The following MEIS2 variants were observed in gnomAD, a reference collection of about 807,000 sequenced individuals.
MEIS2 encodes the protein Meis homeobox 2, also known as homeobox protein Meis2.
Under a neutral mutation model 58.6 loss-of-function variants are expected in MEIS2, and 9 were observed. The ratio of observed to expected loss-of-function variants is 0.15; its 90% confidence interval spans 0.09 to 0.27. The LOEUF is 0.27. MEIS2 is among the 10% of genes least tolerant of loss of function. The pLI is 1.00. For missense variants in MEIS2, 427 were observed against 635.0 expected, an observed-to-expected ratio of 0.67 and a Z score of 3.52; for synonymous variants, 221 against 228.4, an observed-to-expected ratio of 0.97 and a Z score of 0.29.
chr15:37,028,493 C>G (rs897017326), intron 8 of MEIS2, among the ~76,000 whole-genome samples: 1 of 152,172 alleles, frequency 6.6e-6, no homozygotes, highest in African/African-American at 2.4e-5. Flanking sequence ...TTGCAATTTT[C>G]TCTCTTCTAG....
At chr15:36,973,154 A>G (rs1435580958) in intron 8 of MEIS2, among the ~76,000 whole-genome samples, 5 of 152,188 alleles carry the variant, frequency 3.3e-5, no homozygotes, top group Non-Finnish European at 5.9e-5. Context: ...CTTTACAGGT[A>G]TTTGGGAGGA....
intron 11 of MEIS2, chr15:36,894,553 C>A (rs2056067042): frequency 1.9e-6 from 1 of 535,812 alleles, no homozygotes; most frequent in Non-Finnish European, 3.3e-6. Context: ...ACATCAGTGT[C>A]ATCTGTGACT....
At chr15:36,910,999 C>T (rs372947560) in intron 9 of MEIS2, among the ~76,000 whole-genome samples, 14 of 147,672 alleles carry the variant, frequency 9.5e-5, no homozygotes, top group African/African-American at 3.0e-4. Flanking sequence ...GAGCTGAGAT[C>T]GCGCCACTGC....
intron 8 of MEIS2, among the ~76,000 whole-genome samples, chr15:36,984,890 C>A (rs1396212266): frequency 5.3e-5 from 8 of 152,072 alleles, no homozygotes; most frequent in African/African-American, 1.9e-4. Context: ...TTGCTCATAG[C>A]AGTCTCTTAT....
rs147340995 is a variant in MEIS2, at chr15:37,069,448, C to T, written c.754+14323G>A. 1.7e-3 allele frequency among the ~76,000 whole-genome samples: 265 copies of T among 152,290 alleles called. 1 individual carries two copies. The highest frequency in any genetic ancestry group is 5.9e-3 in the African/African-American group (247 of 41,572). ...CAAGACAAAATCAACTTTTTCTCAT[C>T]ATATGGCAAAGATAGTCTTAACTGT... On this transcript the variant is annotated intron_variant, in intron 7 of 11. Transcript: ENST00000561208.
intron 9 of MEIS2, among the ~76,000 whole-genome samples, chr15:36,925,920 C>T (rs2057729268): frequency 6.6e-6 from 1 of 152,200 alleles, no homozygotes; most frequent in Non-Finnish European, 1.5e-5. Context: ...ATTCTGCTCA[C>T]AGATTGCCTG....
intron 8 of MEIS2, among the ~76,000 whole-genome samples, chr15:36,973,875 C>T (rs1263000216): frequency 6.6e-6 from 1 of 151,930 alleles, no homozygotes; most frequent in Non-Finnish European, 1.5e-5. Flanking sequence ...CCAAAATTAA[C>T]CTTATGATAT....
Position 37,098,089 on chromosome 15 carries a change from G to A in MEIS2, c.123C>T (p.His41=). Residue 41 remains histidine (H), a synonymous_variant, in exon 2 of 12, where the codon CAC becomes CAT. Coordinates refer to ENST00000561208, the MANE Select transcript of MEIS2 (RefSeq NM_170675.5). ...GCTGTGTGGCGTGGAGCGGCGGCCC[G>A]TGGTTCAGGTGGTGAACCGGGGGGA... ...RPIPPVHHLN[H]GPPLHATQHY... The A allele has an allele frequency of 6.2e-7, 1 of 1,613,774 alleles. No individual in the cohort carries two copies. Among genetic ancestry groups the A allele is most frequent in the Non-Finnish European group, 8.5e-7 (1 of 1,179,956 alleles).
At chr15:36,978,581 G>A (rs2059832155) in intron 8 of MEIS2, among the ~76,000 whole-genome samples, 1 of 152,166 alleles carries the variant, frequency 6.6e-6, no homozygotes, top group East Asian at 1.9e-4. Flanking sequence ...TGGAAAAGAA[G>A]GAAGAGCAAA....
At chr15:36,908,792 A>G (rs937877841) in intron 9 of MEIS2, among the ~76,000 whole-genome samples, 28 of 152,210 alleles carry the variant, frequency 1.8e-4, no homozygotes, top group African/African-American at 6.7e-4. Flanking sequence ...AAAAAGTATT[A>G]GCCGGGCATG....
intron 11 of MEIS2, chr15:36,894,623 T>C (rs902691701): frequency 9.8e-6 from 10 of 1,015,720 alleles, no homozygotes; most frequent in African/African-American, 4.9e-5. Flanking sequence ...CATGCAGTTA[T>C]GGGCAAGGAA....
At chr15:37,002,230 C>T (rs1019222075) in intron 8 of MEIS2, among the ~76,000 whole-genome samples, 1 of 152,030 alleles carries the variant, frequency 6.6e-6, no homozygotes, top group Non-Finnish European at 1.5e-5. Flanking sequence ...CATACATTCC[C>T]TGCACCGTCC....
chr15:37,034,127 G>A (rs1352133300), intron 8 of MEIS2, among the ~76,000 whole-genome samples: 1 of 152,064 alleles, frequency 6.6e-6, no homozygotes, highest in Non-Finnish European at 1.5e-5. Flanking sequence ...AAGAGAAAGG[G>A]GGAAAGAGAG....
chr15:37,029,679 C>T (rs1341843280), intron 8 of MEIS2, among the ~76,000 whole-genome samples: 1 of 152,132 alleles, frequency 6.6e-6, no homozygotes, highest in Non-Finnish European at 1.5e-5. Context: ...GACCAGAATA[C>T]CTAACATCTG....
chr15:37,040,482 T>C (rs2062378104), intron 7 of MEIS2, among the ~76,000 whole-genome samples: 1 of 152,186 alleles, frequency 6.6e-6, no homozygotes, highest in African/African-American at 2.4e-5. Flanking sequence ...GGGTTACGTA[T>C]GTGCACACAG....
At chr15:36,946,960 T>C (rs1344311506) in intron 9 of MEIS2, among the ~76,000 whole-genome samples, 2 of 152,040 alleles carry the variant, frequency 1.3e-5, no homozygotes, top group African/African-American at 4.8e-5. Flanking sequence ...AAGGAGGTTA[T>C]TCAGGTTGAG....
chr15:37,031,866 T>C (rs2061943086), intron 8 of MEIS2, among the ~76,000 whole-genome samples: 1 of 150,842 alleles, frequency 6.6e-6, no homozygotes, highest in Non-Finnish European at 1.5e-5. Flanking sequence ...TGTGTCTGGG[T>C]TTCATTCCGT....
At chr15:37,031,819 G>A (rs1280188888) in intron 8 of MEIS2, among the ~76,000 whole-genome samples, 3 of 136,394 alleles carry the variant, frequency 2.2e-5, no homozygotes, top group Non-Finnish European at 4.7e-5. Flanking sequence ...ATCACTTTGT[G>A]TGTGTGTGTG....
intron 7 of MEIS2, among the ~76,000 whole-genome samples, chr15:37,079,257 A>C (rs1891873079): frequency 6.6e-6 from 1 of 152,176 alleles, no homozygotes; most frequent in Admixed American, 6.6e-5. Context: ...AGGAAGGAAA[A>C]AAAATGTCAT....
Sources: allele counts gnomAD v4.1 joint callset (sites outside exome capture counted in the v4.1 genomes callset), GRCh38; gene constraint gnomAD v4.1.1; transcripts MANE v1.5; gene names NCBI Gene and HGNC (gene_info 2026-07-23, HGNC 2026-07-21).